MED30: variants seen among roughly 807,000 people sequenced by gnomAD.
MED30 encodes the protein mediator complex subunit 30.
A neutral mutation model predicts 21.7 loss-of-function variants in MED30; 8 were observed. The ratio of observed to expected loss-of-function variants is 0.37; its 90% CI spans 0.22 to 0.67. The LOEUF is 0.67. MED30 is among the 30% of genes least tolerant of loss of function. The pLI is 0.58. For missense variants in MED30, 203 were observed against 228.2 expected, an observed-to-expected ratio of 0.89 and a Z score of 0.71; for synonymous variants, 79 against 86.7, an observed-to-expected ratio of 0.91 and a Z score of 0.49.
At position 117,530,821 on chromosome 8, in the gene MED30, A is replaced by C; in HGVS notation, c.435A>C (p.Val145=). 1 of 1,605,910 alleles carries C rather than the reference A, an allele frequency of 6.2e-7. No individual in the cohort carries two copies. The highest frequency in any genetic ancestry group is 8.5e-7 in the Non-Finnish European group (1 of 1,174,526). The stretch of plus-strand genomic sequence containing the variant: ...AAGAGAGGCGAGAAATTGCTGAAGT[A>C]AATAAAGTGAGTTGTTAGTTTTTAC... ...ASEERREIAE[V]NKKLKQKNQQ... is the part of the protein sequence containing the mutation. The change falls in exon 3 of 4, where the codon GTA becomes GTC. Residue 145 remains valine (V), a synonymous_variant. Transcript: ENST00000297347.
intron 1 of MED30, among the ~76,000 whole-genome samples, chr8:117,527,017 A>G (rs1378964152): frequency 6.6e-6 from 1 of 152,004 alleles, no homozygotes; most frequent in African/African-American, 2.4e-5. Flanking sequence ...TGTGTGCACT[A>G]TGCTCAATAT....
chr8:117,521,074 G>T (rs763339030), intron 1 of MED30, 21 bp downstream of exon 1: 9 of 1,562,484 alleles, frequency 5.8e-6, no homozygotes, highest in South Asian at 1.2e-5. Context: ...GGGCGCGCGA[G>T]GCCAGGGGGA....
At chr8:117,523,351 T>C in intron 1 of MED30, 2 of 1,514,544 alleles carry the variant, frequency 1.3e-6, no homozygotes, top group South Asian at 2.2e-5. Context: ...GGCTTTCTTG[T>C]CGGCACCAGG....
intron 3 of MED30, among the ~76,000 whole-genome samples, chr8:117,535,074 C>T (rs2130817793): frequency 6.6e-6 from 1 of 151,934 alleles, no homozygotes; most frequent in Non-Finnish European, 1.5e-5. Context: ...CTCTCTACAG[C>T]CTCTCTCTCC....
chr8:117,530,845 A>T lies in MED30; in HGVS notation c.441+18A>T, dbSNP rs879226693. 2 of 1,560,906 alleles carry T rather than the reference A, an allele frequency of 1.3e-6. No individual in the cohort carries two copies. Among genetic ancestry groups the T allele is most frequent in the South Asian group, 2.3e-5 (2 of 87,726 alleles). The stretch of plus-strand genomic sequence containing the variant: ...TAAATAAAGTGAGTTGTTAGTTTTT[A>T]CATTTTATGTTTTAGAGTTATTGAT... On this transcript the variant is annotated intron_variant, in intron 3 of 3. Coordinates refer to ENST00000297347, the MANE Select transcript of MED30 (RefSeq NM_080651.4).
In MED30 at chr8:117,520,823, A is replaced by G; in HGVS notation, c.-54A>G. ...GCCCCACAGCCTCCCAATTCCGGGCAGACCCCTGACACCTGCTGTCTGGCC... is the reference window on the plus strand; with the variant it reads ...GCCCCACAGCCTCCCAATTCCGGGCGGACCCCTGACACCTGCTGTCTGGCC... On this transcript the variant is annotated 5_prime_UTR_variant, in exon 1 of 4. Coordinates refer to ENST00000297347, the MANE Select transcript of MED30 (RefSeq NM_080651.4). 1 of 1,482,258 alleles carries G rather than the reference A, an allele frequency of 6.7e-7. No homozygotes were observed. The highest frequency in any genetic ancestry group is 9.0e-7 in the Non-Finnish European group (1 of 1,111,120). 91.8% of individuals were successfully genotyped at this position (1,482,258 alleles called of 1,614,324 possible).
chr8:117,531,093 CT>C (rs1818786491), intron 3 of MED30, among the ~76,000 whole-genome samples: 1 of 151,884 alleles, frequency 6.6e-6, no homozygotes. Context: ...TTACTTTTTT[CT>C]TTTCTGGGCA....
chr8:117,537,726 C>A (rs538536273), intron 3 of MED30, among the ~76,000 whole-genome samples: 1 of 152,210 alleles, frequency 6.6e-6, no homozygotes, highest in East Asian at 1.9e-4. Context: ...GCATTTATTT[C>A]AGTGGTGAGA....
chr8:117,522,533 T>C (rs2130808286), intron 1 of MED30, among the ~76,000 whole-genome samples: 1 of 152,254 alleles, frequency 6.6e-6, no homozygotes, highest in Admixed American at 6.5e-5. Flanking sequence ...AGAGATAAAG[T>C]GACTTGCCCA....
chr8:117,523,931 C>A lies in MED30; in HGVS notation c.177+2878C>A, dbSNP rs182206493. The A allele has an allele frequency of 6.0e-3, 1,838 of 307,394 alleles. 39 individuals carry two copies. The highest frequency in any genetic ancestry group is 0.037 in the African/African-American group (1,744 of 46,996). The allele number at this position is 307,394 out of a possible 1,614,324, so 19.0% of individuals were successfully genotyped here. ...CTGGGGCAGGAGAATCGCTTGAACC[C>A]GGGAGGCGGAGGTGGCAGTGAGCCG... On this transcript the variant is annotated intron_variant, in intron 1 of 3. Coordinates refer to ENST00000297347, the MANE Select transcript of MED30 (RefSeq NM_080651.4).
chr8:117,521,235 T>G (rs1460581972), intron 1 of MED30, among the ~76,000 whole-genome samples, 182 bp downstream of exon 1: 2 of 152,174 alleles, frequency 1.3e-5, no homozygotes, highest in Admixed American at 1.3e-4. Context: ...GGTGATGTTT[T>G]CCAGACCAGA....
At chr8:117,523,714 A>C in intron 1 of MED30, 1 of 1,524,128 alleles carries the variant, frequency 6.6e-7, no homozygotes, top group Non-Finnish European at 9.0e-7. Context: ...CCCTCCTTAA[A>C]AAGGAGTTCA....
rs190598208 is a variant in MED30 at position 117,539,132 on chromosome 8, C to A, written c.442-751C>A. Among the ~76,000 whole-genome samples the A allele has an allele frequency of 7.3e-3, 1,105 of 152,288 alleles. 5 individuals are homozygous for A. The highest frequency in any genetic ancestry group is 0.024 in the Middle Eastern group (7 of 294). Reference sequence around the variant, plus strand: ...TATGAGGTAGTTTCAATTATTATTTCCATTTTTCTGATGTGGAAACTAAAG... The same window carrying A: ...TATGAGGTAGTTTCAATTATTATTTACATTTTTCTGATGTGGAAACTAAAG... On this transcript the variant is annotated intron_variant, in intron 3 of 3. Transcript: ENST00000297347.
At chr8:117,527,998 TC>T (rs1818743682) in intron 1 of MED30, among the ~76,000 whole-genome samples, 1 of 151,920 alleles carries the variant, frequency 6.6e-6, no homozygotes, top group Non-Finnish European at 1.5e-5. Context: ...TTGATAAAAT[TC>T]CTGAATTAAA....
At chr8:117,533,976 G>A (rs1342829013) in intron 3 of MED30, among the ~76,000 whole-genome samples, 1 of 151,962 alleles carries the variant, frequency 6.6e-6, no homozygotes, top group Non-Finnish European at 1.5e-5. Flanking sequence ...TAGTTTGGCT[G>A]GCTATAAAAT....
chr8:117,528,826 G>A lies in MED30; in HGVS notation c.336+17G>A, dbSNP rs775425790. The A allele has an allele frequency of 1.9e-6, 3 of 1,579,634 alleles. No homozygotes were observed. The African/African-American group carries it at 4.1e-5, about 21-fold the overall frequency. ...CCAGTCGAGGTAATTTTTTGTGATA[G>A]AGGGAGGATGAATATAAGGTGTGAA... On this transcript the variant is annotated intron_variant, in intron 2 of 3. Coordinates refer to ENST00000297347, the MANE Select transcript of MED30 (RefSeq NM_080651.4).
chr8:117,528,310 G>A (rs990346494), intron 1 of MED30, among the ~76,000 whole-genome samples: 18 of 151,384 alleles, frequency 1.2e-4, no homozygotes, highest in African/African-American at 4.1e-4. Flanking sequence ...CTTGGTTGAG[G>A]TCAGCAGCAT....
At position 117,540,135 on chromosome 8, in the gene MED30, CT is replaced by C. The variant is rs57267838; in HGVS notation, c.*164del. 33,072 of 427,398 alleles carry C rather than the reference CT, an allele frequency of 0.077. 1,489 individuals are homozygous for C. Among genetic ancestry groups the C allele is most frequent in the South Asian group, 0.12 (2,851 of 22,958 alleles). The allele number at this position is 427,398 out of a possible 1,614,324, so 26.5% of individuals were successfully genotyped here. ...TGTGATTTTTACATTAAAATATTAA[CT>C]TTTTTTAATGCTATTTTATGAAAGA... On this transcript the variant is annotated 3_prime_UTR_variant, in exon 4 of 4. Coordinates refer to ENST00000297347, the MANE Select transcript of MED30 (RefSeq NM_080651.4).
intron 3 of MED30, among the ~76,000 whole-genome samples, chr8:117,532,831 G>A (rs1190104402): frequency 1.3e-5 from 2 of 151,968 alleles, no homozygotes; most frequent in African/African-American, 4.8e-5. Flanking sequence ...AGGGTGAGGA[G>A]GAGAATGGGA....
Sources: allele counts gnomAD v4.1 joint callset (sites outside exome capture counted in the v4.1 genomes callset), GRCh38; gene constraint gnomAD v4.1.1; transcripts MANE v1.5; gene names NCBI Gene and HGNC (gene_info 2026-07-23, HGNC 2026-07-21).